The following PRKDC variants were observed in gnomAD, a reference collection of about 807,000 sequenced individuals.
PRKDC encodes the protein DNA-dependent protein kinase catalytic subunit.
PRKDC carries 82 observed loss-of-function variants against 486.9 expected under a neutral mutation model. The observed-to-expected ratio is 0.17, with a 90% confidence interval of 0.14 to 0.20. PRKDC has a LOEUF of 0.20. Among genes scored for constraint, PRKDC ranks in the 10% least tolerant of loss-of-function variants. PRKDC has a pLI of 1.00. For synonymous variants in PRKDC, 1,895 were observed against 1,837.0 expected, an observed-to-expected ratio of 1.03 and a Z score of -0.81; for missense variants, 4,504 against 5,038.2, an observed-to-expected ratio of 0.89 and a Z score of 3.21.
chr8:47,952,533 G>C (rs2090641741), intron 7 of PRKDC, among the ~76,000 whole-genome samples: 1 of 152,148 alleles, frequency 6.6e-6, no homozygotes, highest in African/African-American at 2.4e-5. Flanking sequence ...TCAATACCTT[G>C]ATTACAATGG....
chr8:47,902,863 T>G (rs1478344304), intron 26 of PRKDC, 68 bp from the exon 27 acceptor site: 13 of 1,246,912 alleles, frequency 1.0e-5, no homozygotes. Context: ...ATACCCTTGG[T>G]CTATCTCTGA....
At chr8:47,884,083 G>A (rs1480390761) in intron 36 of PRKDC, among the ~76,000 whole-genome samples, 1 of 152,282 alleles carries the variant, frequency 6.6e-6, no homozygotes, top group Non-Finnish European at 1.5e-5. Flanking sequence ...TGAAAGTCTA[G>A]AATTTAGGTA....
At chr8:47,785,853 C>T (rs2086782127) in intron 76 of PRKDC, among the ~76,000 whole-genome samples, 1 of 152,182 alleles carries the variant, frequency 6.6e-6, no homozygotes, top group African/African-American at 2.4e-5. Flanking sequence ...GCCTGTAATC[C>T]CAGCACTTTG....
chr8:47,851,162 CG>C (rs1192512896), intron 52 of PRKDC, among the ~76,000 whole-genome samples: 1 of 152,140 alleles, frequency 6.6e-6, no homozygotes, highest in Non-Finnish European at 1.5e-5. Flanking sequence ...ACGATAAATC[CG>C]TATCACTTTT....
Position 47,854,085 on chromosome 8 carries a change from G to C in PRKDC, c.6891C>G (p.Ser2297Arg). The C allele has an allele frequency of 6.2e-7, 1 of 1,613,744 alleles. No individual in the cohort carries two copies. The change falls in exon 51 of 86, where the codon AGC becomes AGG. Residue 2297 changes from serine to arginine, a missense_variant and splice_region_variant. Around this residue, in one of 6 missense-constraint regions of PRKDC, gnomAD observed 1,592 missense variants for 1,724.6 expected, o/e 0.92. Coordinates refer to ENST00000314191, the MANE Select transcript of PRKDC (RefSeq NM_006904.7). The stretch of plus-strand genomic sequence containing the variant: ...AAAATAATCAAGCAAACACGTACTC[G>C]CTACTCTGGATGCCACACTGTGGGT... Reference protein sequence around the residue: ...PYDPQCGIQSSEYFQALVNNM... With the variant: ...PYDPQCGIQSREYFQALVNNM...
At chr8:47,938,475 G>A (rs1232175402) in intron 11 of PRKDC, among the ~76,000 whole-genome samples, 1 of 151,506 alleles carries the variant, frequency 6.6e-6, no homozygotes, top group Non-Finnish European at 1.5e-5. Context: ...ATTGTAGGAA[G>A]AAAAAAGAAA....
At chr8:47,808,680 TTC>T (rs1330604534) in intron 68 of PRKDC, among the ~76,000 whole-genome samples, 2 of 152,158 alleles carry the variant, frequency 1.3e-5, no homozygotes, top group African/African-American at 2.4e-5. Flanking sequence ...ACATGTATGA[TTC>T]TGTCCAAGTA....
In PRKDC at chr8:47,773,350, G is replaced by A. The variant is rs2086553307; in HGVS notation, c.*823C>T. The A allele has an allele frequency of 4.5e-6, 1 of 222,198 alleles. No individual in the cohort carries two copies. Among genetic ancestry groups the A allele is most frequent in the Non-Finnish European group, 9.1e-6 (1 of 110,274 alleles). The allele number at this position is 222,198 out of a possible 1,614,324, so 13.8% of individuals were successfully genotyped here. On this transcript the variant is annotated 3_prime_UTR_variant, in exon 86 of 86. Transcript: ENST00000314191. The stretch of plus-strand genomic sequence containing the variant: ...AATGCATGCTTTTTTTCCTCCAAAT[G>A]AGGAATTCATTTCAAATAGGAATTT...
At chr8:47,939,981 G>A (rs2090417249) in intron 10 of PRKDC, 1 of 200,214 alleles carries the variant, frequency 5.0e-6, no homozygotes, top group African/African-American at 2.3e-5. Context: ...CCAAAAACAG[G>A]TTTTGAATTA....
At position 47,959,957 on chromosome 8, in the gene PRKDC, T is replaced by G. The variant is rs2090785115; in HGVS notation, c.154+16A>C. The G allele has an allele frequency of 1.1e-5, 16 of 1,503,196 alleles. No individual in the cohort carries two copies. The highest frequency in any genetic ancestry group is 1.4e-5 in the Non-Finnish European group (16 of 1,126,842). 93.1% of individuals were successfully genotyped at this position (1,503,196 alleles called of 1,614,324 possible). A position where few individuals can be genotyped will look rare whatever the true frequency, so the allele number is the denominator to read the frequency against. Reference sequence around the variant, plus strand: ...AGCCAGGACCCACCCGCGGCCCAGCTCGGGCCGGTACCCACCCAGCACCGC... The same window carrying G: ...AGCCAGGACCCACCCGCGGCCCAGCGCGGGCCGGTACCCACCCAGCACCGC... On this transcript the variant is annotated intron_variant, in intron 1 of 85. Coordinates refer to ENST00000314191, the MANE Select transcript of PRKDC (RefSeq NM_006904.7).
chr8:47,950,544 G>T (rs1272113179), intron 7 of PRKDC, among the ~76,000 whole-genome samples: 1 of 151,474 alleles, frequency 6.6e-6, no homozygotes, highest in African/African-American at 2.4e-5. Flanking sequence ...CGGGAGAATG[G>T]CGTGAACCCG....
rs1489986697 is a variant in PRKDC, at chr8:47,960,094, G to A, written c.33C>T (p.Ser11=). 3.3e-6 allele frequency: 5 copies of A among 1,525,438 alleles called. No homozygotes were observed. Among genetic ancestry groups the A allele is most frequent in the Non-Finnish European group, 4.4e-6 (5 of 1,142,108 alleles). 94.5% of individuals were successfully genotyped at this position (1,525,438 alleles called of 1,614,324 possible). ...ACAAGGTCTCCTGCAGCCGCAGCAGGGAGCAACGCACACCGGCTCCGGAGC... is the reference window on the plus strand; with the variant it reads ...ACAAGGTCTCCTGCAGCCGCAGCAGAGAGCAACGCACACCGGCTCCGGAGC... MAGSGAGVRC[S]LLRLQETLSA... The change falls in exon 1 of 86, where the codon TCC becomes TCT. Residue 11 remains serine, a synonymous_variant. Coordinates refer to ENST00000314191, the MANE Select transcript of PRKDC (RefSeq NM_006904.7).
At position 47,826,767 on chromosome 8, in the gene PRKDC, C is replaced by T. The variant is rs1014899694; in HGVS notation, c.8672G>A (p.Arg2891His). ...GCGGAGCAGAGCCTCCTCTAGCAGG[C>T]GGATGCCCACGGGCTGCTGTAGGCT... ...LASLQQPVGI[R>H]LLEEALLRLL... is the part of the protein sequence containing the mutation. Residue 2891 changes from arginine (R) to histidine (H), a missense_variant, in exon 63 of 86, where the codon CGC (arginine) becomes CAC (histidine). Around this residue, in one of 6 missense-constraint regions of PRKDC, gnomAD observed 1,592 missense variants for 1,724.6 expected, o/e 0.92. Transcript: ENST00000314191. 10 of 1,611,822 alleles carry T rather than the reference C, an allele frequency of 6.2e-6. No homozygotes were observed. The highest frequency in any genetic ancestry group is 2.7e-5 in the African/African-American group (2 of 74,908).
chr8:47,940,527 T>C (rs1233317141), intron 10 of PRKDC, among the ~76,000 whole-genome samples: 5 of 152,236 alleles, frequency 3.3e-5, no homozygotes, highest in Non-Finnish European at 7.3e-5. Context: ...CGGGGAACTT[T>C]GCTCCTTATT....
At position 47,773,898 on chromosome 8, in the gene PRKDC, A is replaced by G. The variant is rs1408964008; in HGVS notation, c.*275T>C. 3 of 330,388 alleles carry G rather than the reference A, an allele frequency of 9.1e-6. No homozygotes were observed. Among genetic ancestry groups the G allele is most frequent in the Admixed American group, 9.0e-5 (2 of 22,174 alleles). The allele number at this position is 330,388 out of a possible 1,614,324, so 20.5% of individuals were successfully genotyped here. A position where few individuals can be genotyped will look rare whatever the true frequency, so the allele number is the denominator to read the frequency against. On this transcript the variant is annotated 3_prime_UTR_variant, in exon 86 of 86. Coordinates refer to ENST00000314191, the MANE Select transcript of PRKDC (RefSeq NM_006904.7). Reference sequence around the variant, plus strand: ...TGTAAATGCTTTGAAAGCTGATCACATATTATATTCTTGACTTAATACTTT... The same window carrying G: ...TGTAAATGCTTTGAAAGCTGATCACGTATTATATTCTTGACTTAATACTTT...
intron 19 of PRKDC, among the ~76,000 whole-genome samples, chr8:47,928,563 T>TTTATTTA (rs1563807980): frequency 1.5e-4 from 23 of 151,486 alleles, no homozygotes; most frequent in African/African-American, 5.6e-4. Context: ...TTATTTATTT[T>TTTATTTA]TTTTTTTGAG....
rs2086647590 is a variant in PRKDC at position 47,778,640 on chromosome 8, C to G, written c.11672G>C (p.Ser3891Thr). The G allele has an allele frequency of 6.2e-7, 1 of 1,613,340 alleles. No homozygotes were observed. The highest frequency in any genetic ancestry group is 8.5e-7 in the Non-Finnish European group (1 of 1,179,640). Residue 3891 changes from serine (S) to threonine (T), a missense_variant, in exon 83 of 86, where the codon AGT becomes ACT. By Grantham distance (58) the Ser-to-Thr change is moderately conservative. Coordinates refer to ENST00000314191, the MANE Select transcript of PRKDC (RefSeq NM_006904.7). ...DLLKRAFVRM[S>T]TSPEAFLALR... ...CGCCAGGAAAGCCTCAGGGCTTGTA[C>G]TCATCCTCACGAAGGCCCGCCTACA... is the stretch of plus-strand genomic sequence containing the variant.
At chr8:47,857,101 TA>T (rs1223744013) in intron 49 of PRKDC, 54 bp downstream of exon 49, 2 of 1,560,502 alleles carry the variant, frequency 1.3e-6, no homozygotes, top group Non-Finnish European at 1.7e-6. Flanking sequence ...TCATAGGCTC[TA>T]TAGGCTATTG....
chr8:47,857,844 T>A (rs1482429117), intron 48 of PRKDC, among the ~76,000 whole-genome samples: 1 of 152,130 alleles, frequency 6.6e-6, no homozygotes, highest in Non-Finnish European at 1.5e-5. Context: ...CGGAGCCAAG[T>A]GGATGGTGTC....
Sources: allele counts gnomAD v4.1 joint callset (sites outside exome capture counted in the v4.1 genomes callset), GRCh38; gene constraint gnomAD v4.1.1; regional missense constraint gnomAD v4.1.1; transcripts MANE v1.5; gene names NCBI Gene and HGNC (gene_info 2026-07-23, HGNC 2026-07-21).